Variants in SLC4A4 observed in about 807,000 individuals in gnomAD.
SLC4A4 encodes solute carrier family 4 member 4.
Under a neutral mutation model 111.5 loss-of-function variants are expected in SLC4A4, and 27 were observed. The ratio of observed to expected loss-of-function variants is 0.24; its 90% CI spans 0.18 to 0.33. The LOEUF (loss-of-function observed/expected upper bound fraction) is 0.33, where lower values mean the gene tolerates loss of function less well. SLC4A4 is among the 10% of genes least tolerant of loss of function. The probability of loss-of-function intolerance (pLI) is 1.00; values close to 1 mark genes in which losing one functional copy is unlikely to be tolerated. For synonymous variants in SLC4A4, 443 were observed against 463.4 expected (o/e 0.96, Z 0.57); for missense variants, 909 against 1,315.5 (o/e 0.69, Z 4.78).
intron 2 of SLC4A4, among the ~76,000 whole-genome samples, chr4:71,106,917 G>C (rs1742943624): frequency 7.0e-6 from 1 of 142,594 alleles, no homozygotes; most frequent in Non-Finnish European, 1.5e-5. Flanking sequence ...AAAACTTAAA[G>C]TATAATAAAA....
chr4:71,076,643 C>T lies in SLC4A4; in HGVS notation c.-65+13855C>T, dbSNP rs913652719. On this transcript the variant is annotated intron_variant, in intron 1 of 26. Transcript: ENST00000649996. Reference sequence around the variant, plus strand: ...TTCTGTGGCAGTTGGGAATGTATTTCTCATTTAACATTAAAAGCCATCTAT... The same window carrying T: ...TTCTGTGGCAGTTGGGAATGTATTTTTCATTTAACATTAAAAGCCATCTAT... 9.9e-5 allele frequency among the ~76,000 whole-genome samples: 15 copies of T among 151,896 alleles called. 1 individual carries two copies. Among genetic ancestry groups the T allele is most frequent in the South Asian group, 2.1e-4 (1 of 4,822 alleles).
At chr4:71,376,095 G>A (rs1186266367) in intron 6 of SLC4A4, among the ~76,000 whole-genome samples, 7 of 138,760 alleles carry the variant, frequency 5.0e-5, no homozygotes, top group African/African-American at 1.6e-4. Flanking sequence ...ACATATATAC[G>A]TGTGTATATA....
At chr4:71,070,359 G>C (rs1009522464) in intron 1 of SLC4A4, among the ~76,000 whole-genome samples, 2 of 152,202 alleles carry the variant, frequency 1.3e-5, no homozygotes, top group African/African-American at 4.8e-5. Context: ...GAATGAAGGA[G>C]TCTTTACCTT....
intron 12 of SLC4A4, among the ~76,000 whole-genome samples, chr4:71,454,233 G>A (rs1726015402): frequency 6.6e-6 from 1 of 152,130 alleles, no homozygotes; most frequent in Admixed American, 6.5e-5. Flanking sequence ...TATTTTGTAT[G>A]ATTAATTGTA....
intron 3 of SLC4A4, among the ~76,000 whole-genome samples, chr4:71,266,988 A>G (rs1383722883): frequency 2.0e-5 from 3 of 152,212 alleles, no homozygotes; most frequent in Non-Finnish European, 2.9e-5. Context: ...ATTACTAACT[A>G]CATCAGTATC....
At chr4:71,344,505 G>T (rs1490717203) in intron 4 of SLC4A4, among the ~76,000 whole-genome samples, 1 of 152,096 alleles carries the variant, frequency 6.6e-6, no homozygotes, top group Non-Finnish European at 1.5e-5. Context: ...TTTTACATAT[G>T]AAGATGTGAC....
At chr4:71,164,868 A>AC (rs202135449) in intron 2 of SLC4A4, among the ~76,000 whole-genome samples, 7,997 of 152,224 alleles carry the variant, frequency 0.053, 655 homozygotes, top group African/African-American at 0.18. Context: ...AAAAAAACAA[A>AC]AAAACCATCA....
intron 7 of SLC4A4, among the ~76,000 whole-genome samples, chr4:71,420,027 G>A (rs573299938): frequency 1.6e-4 from 25 of 152,268 alleles, no homozygotes; most frequent in African/African-American, 4.6e-4. Context: ...GGCTTCAGAC[G>A]ATCAAACAAC....
At chr4:71,540,634 T>A (rs999398196) in intron 18 of SLC4A4, among the ~76,000 whole-genome samples, 6 of 152,178 alleles carry the variant, frequency 3.9e-5, no homozygotes. Context: ...TGAAGGAGTT[T>A]AATGGATTTT....
chr4:71,535,440 C>T (rs979681590), intron 18 of SLC4A4, among the ~76,000 whole-genome samples: 2 of 151,892 alleles, frequency 1.3e-5, no homozygotes, highest in Non-Finnish European at 2.9e-5. Context: ...ATAATAAGAC[C>T]AGGAGAAGAA....
intron 7 of SLC4A4, among the ~76,000 whole-genome samples, chr4:71,401,414 A>G (rs1720353638): frequency 6.6e-6 from 1 of 152,234 alleles, no homozygotes; most frequent in African/African-American, 2.4e-5. Flanking sequence ...TTAAGCAGAA[A>G]AACACCTGTG....
intron 3 of SLC4A4, among the ~76,000 whole-genome samples, chr4:71,291,957 G>A (rs1424884399): frequency 1.3e-5 from 2 of 151,954 alleles, no homozygotes; most frequent in Non-Finnish European, 2.9e-5. Flanking sequence ...TTTGATACAG[G>A]CATACAATGC....
intron 1 of SLC4A4, among the ~76,000 whole-genome samples, chr4:71,071,605 C>T (rs374593121): frequency 6.6e-6 from 1 of 152,066 alleles, no homozygotes; most frequent in Non-Finnish European, 1.5e-5. Context: ...TTGCTACTAG[C>T]GTCTTAAGTT....
intron 2 of SLC4A4, among the ~76,000 whole-genome samples, chr4:71,121,392 C>G (rs531208723): frequency 6.6e-6 from 1 of 152,240 alleles, no homozygotes. Context: ...GCTCCGCCCG[C>G]GGCCCTGGCA....
At chr4:71,485,910 G>C (rs1229122355) in intron 14 of SLC4A4, among the ~76,000 whole-genome samples, 1 of 151,390 alleles carries the variant, frequency 6.6e-6, no homozygotes, top group African/African-American at 2.4e-5. Context: ...AGCTTCTTCT[G>C]TCCCTCCCTT....
intron 2 of SLC4A4, among the ~76,000 whole-genome samples, chr4:71,146,180 T>G (rs1252731105): frequency 1.3e-5 from 2 of 152,218 alleles, no homozygotes; most frequent in African/African-American, 4.8e-5. Context: ...AGAACATCTT[T>G]ATTTCTGCCT....
intron 6 of SLC4A4, 57 bp downstream of exon 6, chr4:71,357,244 A>G: frequency 6.6e-7 from 1 of 1,521,896 alleles, no homozygotes; most frequent in Non-Finnish European, 9.1e-7. Context: ...TCACCTTTAC[A>G]CCGTCTCCTG....
intron 2 of SLC4A4, among the ~76,000 whole-genome samples, chr4:71,176,877 T>A (rs1745110968): frequency 1.3e-5 from 2 of 151,996 alleles, no homozygotes; most frequent in Non-Finnish European, 2.9e-5. Flanking sequence ...CACATAATTG[T>A]CAGATTCACC....
At chr4:71,204,745 A>C (rs1717644165) in intron 1 of SLC4A4, among the ~76,000 whole-genome samples, 1 of 152,192 alleles carries the variant, frequency 6.6e-6, no homozygotes, top group South Asian at 2.1e-4. Flanking sequence ...CATTTTAAAC[A>C]ATAGTTTTTC....
Sources: allele counts gnomAD v4.1 joint callset (sites outside exome capture counted in the v4.1 genomes callset), GRCh38; gene constraint gnomAD v4.1.1; transcripts MANE v1.5; gene names NCBI Gene and HGNC (gene_info 2026-07-23, HGNC 2026-07-21).